FBRSL1: variants seen among roughly 807,000 people sequenced by gnomAD.
FBRSL1 encodes the protein fibrosin like 1.
Under a neutral mutation model 89.6 loss-of-function variants are expected in FBRSL1, and 51 were observed. The observed-to-expected ratio is 0.57, with a 90% confidence interval of 0.45 to 0.72. The LOEUF (loss-of-function observed/expected upper bound fraction) is 0.72, where lower values mean the gene tolerates loss of function less well. Ranked by LOEUF, FBRSL1 falls within the 30% of genes least tolerant of loss-of-function variation. The pLI, the probability that FBRSL1 is intolerant of heterozygous loss-of-function variation, is 0.00. For synonymous variants in FBRSL1, 779 were observed against 681.1 expected, an observed-to-expected ratio of 1.14 and a Z score of -2.24; for missense variants, 1,618 against 1,451.8, an observed-to-expected ratio of 1.11 and a Z score of -1.86.
chr12:132,533,932 G>T (rs1403924316), intron 4 of FBRSL1, among the ~76,000 whole-genome samples: 1 of 152,218 alleles, frequency 6.6e-6, no homozygotes, highest in Non-Finnish European at 1.5e-5. Context: ...CTGAGTAGGG[G>T]CAAGCCTGTG....
At chr12:132,494,229 G>C (rs914102834) in intron 1 of FBRSL1, among the ~76,000 whole-genome samples, 1 of 152,174 alleles carries the variant, frequency 6.6e-6, no homozygotes, top group African/African-American at 2.4e-5. Flanking sequence ...CTGTCCCCTG[G>C]TTGTACTGAC....
At chr12:132,560,830 G>C (rs775951321) in intron 5 of FBRSL1, among the ~76,000 whole-genome samples, 4 of 152,244 alleles carry the variant, frequency 2.6e-5, no homozygotes, top group Non-Finnish European at 4.4e-5. Flanking sequence ...ACGCGGGCTA[G>C]GAGGCAGAGG....
Position 132,490,410 on chromosome 12 carries a change from C to T in FBRSL1, c.-161C>T, listed in dbSNP as rs1024169174. 15 of 336,978 alleles carry T rather than the reference C, an allele frequency of 4.5e-5. No homozygotes were observed. Among genetic ancestry groups the T allele is most frequent in the Non-Finnish European group, 3.7e-5 (9 of 244,508 alleles). The allele number at this position is 336,978 out of a possible 1,614,324, so 20.9% of individuals were successfully genotyped here. ...GCCCGGGGCTGAGCCGCCCCCCGCGCCCGGCATGCCCGGCCCGGCCCGCCG... is the reference window on the plus strand; with the variant it reads ...GCCCGGGGCTGAGCCGCCCCCCGCGTCCGGCATGCCCGGCCCGGCCCGCCG... On this transcript the variant is annotated 5_prime_UTR_variant, in exon 1 of 19. Transcript: ENST00000680143.
chr12:132,495,652 A>G (rs1006000397), intron 1 of FBRSL1, among the ~76,000 whole-genome samples: 2 of 152,180 alleles, frequency 1.3e-5, no homozygotes, highest in African/African-American at 2.4e-5. Flanking sequence ...CCCTGTGACA[A>G]TGAGGGGCTG....
In FBRSL1 at chr12:132,581,840, T is replaced by C; in HGVS notation, c.1996+16T>C. 1 of 1,526,776 alleles carries C rather than the reference T, an allele frequency of 6.5e-7. No homozygotes were observed. The highest frequency in any genetic ancestry group is 8.8e-7 in the Non-Finnish European group (1 of 1,133,854). The allele number at this position is 1,526,776 out of a possible 1,614,324, so 94.6% of individuals were successfully genotyped here. On this transcript the variant is annotated intron_variant, in intron 17 of 18. Transcript: ENST00000680143. ...CATGCACTGGGTGAGTGACCCAGCC[T>C]GTGCCCCCCTCCCCCGATGCCCGCG...
Position 132,583,673 on chromosome 12 carries a change from C to A in FBRSL1, c.2904C>A (p.Pro968=). The A allele has an allele frequency of 1.8e-6, 2 of 1,116,130 alleles. No individual in the cohort carries two copies. Among genetic ancestry groups the A allele is most frequent in the Non-Finnish European group, 2.2e-6 (2 of 913,404 alleles). 69.1% of individuals were successfully genotyped at this position (1,116,130 alleles called of 1,614,324 possible). A position where few individuals can be genotyped will look rare whatever the true frequency, so the allele number is the denominator to read the frequency against. Residue 968 remains proline (P), a synonymous_variant, in exon 19 of 19, where the codon CCC becomes CCA. Transcript: ENST00000680143. ...PLVTAAGPPT[P]PGPPRSRTTP... ...TGACGGCGGCCGGGCCCCCCACGCC[C>A]CCCGGGCCGCCGCGGAGCCGGACTA...
chr12:132,561,632 G>A (rs1026036722), intron 5 of FBRSL1, among the ~76,000 whole-genome samples: 3 of 152,260 alleles, frequency 2.0e-5, no homozygotes, highest in East Asian at 1.9e-4. Context: ...TGGCGGCGTG[G>A]TGGGGCCTGC....
At chr12:132,503,640 A>G (rs1248986192) in intron 1 of FBRSL1, among the ~76,000 whole-genome samples, 2 of 152,198 alleles carry the variant, frequency 1.3e-5, no homozygotes, top group African/African-American at 4.8e-5. Context: ...GTTTCTGTTC[A>G]GCTTTTGACC....
chr12:132,505,010 C>T lies in FBRSL1; in HGVS notation c.292-3143C>T, dbSNP rs1046256119. On this transcript the variant is annotated intron_variant, in intron 1 of 18. Coordinates refer to ENST00000680143, the MANE Select transcript of FBRSL1 (RefSeq NM_001367871.1). ...AGCTGGGCGTGGTGACCTGTAATCC[C>T]AGCTGCTCAGGAGGCTGAGGCAGGA... is the stretch of plus-strand genomic sequence containing the variant. Among the ~76,000 whole-genome samples the T allele has an allele frequency of 3.3e-5, 5 of 152,306 alleles. No individual in the cohort carries two copies. The South Asian group carries it at 1.0e-3, about 32-fold the overall frequency.
intron 5 of FBRSL1, among the ~76,000 whole-genome samples, chr12:132,549,212 G>A (rs1310924650): frequency 2.6e-5 from 4 of 152,192 alleles, no homozygotes; most frequent in Non-Finnish European, 4.4e-5. Context: ...CCGCAGTGCC[G>A]GGCTCAGCCG....
At chr12:132,577,978 C>G (rs967924307) in intron 15 of FBRSL1, among the ~76,000 whole-genome samples, 1 of 152,266 alleles carries the variant, frequency 6.6e-6, no homozygotes, top group Non-Finnish European at 1.5e-5. Context: ...CCACATACAG[C>G]TGACCCTTGA....
At chr12:132,582,565 G>A (rs1478615573) in intron 18 of FBRSL1, among the ~76,000 whole-genome samples, 1 of 151,808 alleles carries the variant, frequency 6.6e-6, no homozygotes, top group Non-Finnish European at 1.5e-5. Flanking sequence ...TGGGCCCTGG[G>A]GCTAGGAAGG....
chr12:132,565,379 C>G (rs2039523524), intron 5 of FBRSL1: 1 of 152,244 alleles, frequency 6.6e-6, no homozygotes, highest in African/African-American at 2.4e-5. Flanking sequence ...CCTACGTAAA[C>G]ACACATGTGA....
At position 132,583,301 on chromosome 12, in the gene FBRSL1, C is replaced by T; in HGVS notation, c.2532C>T (p.Arg844=). The change falls in exon 19 of 19, where the codon CGC becomes CGT. Residue 844 remains arginine, a synonymous_variant. Transcript: ENST00000680143. ...TGCAGCTCGGCCTGGGCCGCGAGCGCCTGGGCGCGCCGGGCTTCGCGTGGG... is the reference window on the plus strand; with the variant it reads ...TGCAGCTCGGCCTGGGCCGCGAGCGTCTGGGCGCGCCGGGCTTCGCGTGGG... ...APLQLGLGRE[R]LGAPGFAWEP... is the part of the protein sequence containing the mutation. The T allele has an allele frequency of 2.5e-6, 3 of 1,207,056 alleles. No homozygotes were observed. The highest frequency in any genetic ancestry group is 3.1e-6 in the Non-Finnish European group (3 of 969,750). The allele number at this position is 1,207,056 out of a possible 1,614,324, so 74.8% of individuals were successfully genotyped here. A position where few individuals can be genotyped will look rare whatever the true frequency, so the allele number is the denominator to read the frequency against.
chr12:132,519,071 A>C (rs947075215), intron 2 of FBRSL1, among the ~76,000 whole-genome samples: 1 of 152,286 alleles, frequency 6.6e-6, no homozygotes, highest in Non-Finnish European at 1.5e-5. Context: ...CTGGGCGGGC[A>C]GTACCCTGCT....
chr12:132,572,226 G>C, intron 9 of FBRSL1, 62 bp from the exon 10 acceptor site: 1 of 1,493,736 alleles, frequency 6.7e-7, no homozygotes, highest in Non-Finnish European at 9.1e-7. Flanking sequence ...GGTGGGCGGG[G>C]CCCGGGGCCC....
Position 132,567,510 on chromosome 12 carries a change from G to A in FBRSL1, c.675G>A (p.Ala225=), listed in dbSNP as rs369376282. 98 of 1,551,066 alleles carry A rather than the reference G, an allele frequency of 6.3e-5. No individual in the cohort carries two copies. The highest frequency in any genetic ancestry group is 1.7e-4 in the Middle Eastern group (1 of 5,988). ...CCGTGGGCTCTGAGAAGCTCTTTGC[G>A]CCGGGAACCGATAAAGGTAAGTGGG... The part of the protein sequence containing the change: ...KASVGSEKLF[A]PGTDKGPALE... The change falls in exon 6 of 19, where the codon GCG becomes GCA. Residue 225 remains alanine, a synonymous_variant. Coordinates refer to ENST00000680143, the MANE Select transcript of FBRSL1 (RefSeq NM_001367871.1).
At chr12:132,512,311 G>T (rs1174050657) in intron 2 of FBRSL1, among the ~76,000 whole-genome samples, 2 of 152,236 alleles carry the variant, frequency 1.3e-5, no homozygotes, top group African/African-American at 4.8e-5. Flanking sequence ...TCCTCTGCAT[G>T]GCCTGGGCAC....
chr12:132,568,315 C>T (rs538148275), intron 6 of FBRSL1, among the ~76,000 whole-genome samples: 1 of 152,250 alleles, frequency 6.6e-6, no homozygotes, highest in Admixed American at 6.5e-5. Context: ...CAGGACAGGC[C>T]CTGCCAATGC....
Sources: gnomAD v4.1 joint callset for allele counts (sites outside exome capture counted in the v4.1 genomes callset) on GRCh38, gnomAD v4.1.1 for gene constraint, MANE v1.5 for transcripts, NCBI Gene and HGNC (gene_info 2026-07-23, HGNC 2026-07-21) for gene names.